NBAS: variants seen among roughly 807,000 people sequenced by gnomAD.
NBAS encodes NBAS subunit of NRZ tethering complex, also known as NAG/BC035112 fusion.
Under a neutral mutation model 302.5 loss-of-function variants are expected in NBAS, and 219 were observed. The ratio of observed to expected loss-of-function variants is 0.72; its 90% CI spans 0.65 to 0.81. The LOEUF (loss-of-function observed/expected upper bound fraction) is 0.81, where lower values mean the gene tolerates loss of function less well. Among genes scored for constraint, NBAS ranks in the 30% least tolerant of loss-of-function variants. The probability of loss-of-function intolerance (pLI) is 0.00; values close to 1 mark genes in which losing one functional copy is unlikely to be tolerated. For missense variants in NBAS, 2,932 were observed against 2,841.6 expected, an observed-to-expected ratio of 1.03 and a Z score of -0.72; for synonymous variants, 1,118 against 1,021.6, an observed-to-expected ratio of 1.09 and a Z score of -1.80.
Position 15,218,758 on chromosome 2 carries a change from C to T in NBAS, c.6432+15G>A. 6.2e-7 allele frequency: 1 copy of T among 1,614,166 alleles called. No homozygotes were observed. Among genetic ancestry groups the T allele is most frequent in the Non-Finnish European group, 8.5e-7 (1 of 1,179,984 alleles). ...ATTGTTAGTAAGAAAAATAATCATT[C>T]AGACACTCCCTTACCTGTCTCTGGG... On this transcript the variant is annotated intron_variant, in intron 48 of 51. Transcript: ENST00000281513.
the NBAS span, among the ~76,000 whole-genome samples, chr2:14,935,146 C>T: frequency 6.6e-6 from 1 of 152,040 alleles, no homozygotes; most frequent in African/African-American, 2.4e-5. Flanking sequence ...TTGTTTTCCC[C>T]TCTAGAATTC....
chr2:15,396,138 ATACATAAGAAAACCCTAG>A (rs1675853552), intron 27 of NBAS, among the ~76,000 whole-genome samples: 1 of 152,200 alleles, frequency 6.6e-6, no homozygotes, highest in African/African-American at 2.4e-5. Flanking sequence ...GTTAGATATT[ATACATAAGAAAACCCTAG>A]GCCCAAAGAT....
the NBAS span, among the ~76,000 whole-genome samples, chr2:14,858,818 A>C: frequency 6.6e-6 from 1 of 152,076 alleles, no homozygotes; most frequent in Non-Finnish European, 1.5e-5. Context: ...AACTAAAAGA[A>C]TATAATTAGA....
At chr2:15,350,313 T>C (rs1427780683) in intron 35 of NBAS, among the ~76,000 whole-genome samples, 1 of 151,904 alleles carries the variant, frequency 6.6e-6, no homozygotes, top group Non-Finnish European at 1.5e-5. Context: ...CTTACCACAA[T>C]AGGTGTCTCC....
At chr2:15,099,249 T>C in the NBAS span, among the ~76,000 whole-genome samples, 4 of 152,034 alleles carry the variant, frequency 2.6e-5, no homozygotes, top group African/African-American at 9.7e-5. Flanking sequence ...TGAGCCTAGA[T>C]TGCTCCACTG....
the NBAS span, among the ~76,000 whole-genome samples, chr2:14,808,480 A>G: frequency 6.6e-6 from 1 of 152,198 alleles, no homozygotes; most frequent in African/African-American, 2.4e-5. Context: ...ATGATAGTAA[A>G]TAAGTCTCAT....
At chr2:14,904,024 G>C in the NBAS span, among the ~76,000 whole-genome samples, 29 of 152,300 alleles carry the variant, frequency 1.9e-4, no homozygotes, top group African/African-American at 6.5e-4. Flanking sequence ...GCTCCCTTCT[G>C]GACACTCAGA....
intron 42 of NBAS, among the ~76,000 whole-genome samples, chr2:15,277,837 G>C (rs1669654564): frequency 6.6e-6 from 1 of 152,122 alleles, no homozygotes. Context: ...GGAAAGGAGG[G>C]GGTTAATTTT....
the NBAS span, among the ~76,000 whole-genome samples, chr2:15,090,507 A>T: frequency 6.6e-6 from 1 of 152,360 alleles, no homozygotes; most frequent in East Asian, 1.9e-4. Context: ...AATGGAGAGG[A>T]CATCCCTTTA....
At chr2:15,010,553 T>G in the NBAS span, among the ~76,000 whole-genome samples, 3 of 152,256 alleles carry the variant, frequency 2.0e-5, no homozygotes, top group East Asian at 5.8e-4. Flanking sequence ...TTCAAGTAGT[T>G]AGTCACATTG....
At chr2:15,144,465 T>C in the NBAS span, among the ~76,000 whole-genome samples, 2 of 152,342 alleles carry the variant, frequency 1.3e-5, no homozygotes, top group African/African-American at 4.8e-5. Context: ...TCAGATACAA[T>C]TGCATTCATA....
At chr2:14,846,730 G>T in the NBAS span, among the ~76,000 whole-genome samples, 1 of 151,996 alleles carries the variant, frequency 6.6e-6, no homozygotes, top group South Asian at 2.1e-4. Context: ...TATGAAAAGA[G>T]AATTAAGTTG....
chr2:15,160,589 G>C, the NBAS span, among the ~76,000 whole-genome samples: 1 of 128,664 alleles, frequency 7.8e-6, no homozygotes. Context: ...TGTGGGCGGG[G>C]GGAGGGGGGG....
the NBAS span, among the ~76,000 whole-genome samples, chr2:14,879,730 AGTATTTAT>A: frequency 6.6e-6 from 1 of 152,212 alleles, no homozygotes; most frequent in Non-Finnish European, 1.5e-5. Context: ...TACAAACTTT[AGTATTTAT>A]GTAAGCAGTA....
the NBAS span, among the ~76,000 whole-genome samples, chr2:15,018,434 T>C: frequency 1.3e-5 from 2 of 151,944 alleles, no homozygotes; most frequent in East Asian, 1.9e-4. Context: ...AATGGTTAAA[T>C]AAAATAATAT....
chr2:15,356,689 C>CA (rs1436820271), intron 32 of NBAS, among the ~76,000 whole-genome samples: 1 of 151,956 alleles, frequency 6.6e-6, no homozygotes, highest in Non-Finnish European at 1.5e-5. Context: ...TGGAACCCTA[C>CA]AAAAAAGTCT....
chr2:14,783,469 C>T, the NBAS span, among the ~76,000 whole-genome samples: 1 of 115,740 alleles, frequency 8.6e-6, no homozygotes, highest in Non-Finnish European at 1.8e-5. Flanking sequence ...ATCCCTCCCC[C>T]CTCCCCCCAC....
At position 15,232,298 on chromosome 2, in the gene NBAS, C is replaced by T. The variant is rs948486326; in HGVS notation, c.6236+124G>A. 18 of 852,916 alleles carry T rather than the reference C, an allele frequency of 2.1e-5. No individual in the cohort carries two copies. In the Middle Eastern group the frequency reaches 7.0e-4, roughly 33 times the overall value. The allele number at this position is 852,916 out of a possible 1,614,324, so 52.8% of individuals were successfully genotyped here. Reference sequence around the variant, plus strand: ...AATACCATGTCTCCAAGTGCAGAGCCGCTCCTTTCCCACCTAAAAATGTGG... The same window carrying T: ...AATACCATGTCTCCAAGTGCAGAGCTGCTCCTTTCCCACCTAAAAATGTGG... On this transcript the variant is annotated intron_variant, in intron 47 of 51. Coordinates refer to ENST00000281513, the MANE Select transcript of NBAS (RefSeq NM_015909.4).
Position 15,353,558 on chromosome 2 carries a change from T to G in NBAS, c.4084A>C (p.Thr1362Pro). 6.2e-7 allele frequency: 1 copy of G among 1,614,044 alleles called. No homozygotes were observed. Among genetic ancestry groups the G allele is most frequent in the Non-Finnish European group, 8.5e-7 (1 of 1,179,936 alleles). The change falls in exon 34 of 52, where the codon ACA becomes CCA. Residue 1362 changes from threonine to proline, a missense_variant. Coordinates refer to ENST00000281513, the MANE Select transcript of NBAS (RefSeq NM_015909.4). ...TCCTTTATCGAAGGACTTACTTCTG[T>G]CTGCAGAGAGCTGCTAGCTGCCAAA... Reference protein sequence around the residue: ...LLLAASSSLQTEILYQRVNFQ... With the variant: ...LLLAASSSLQPEILYQRVNFQ...
Sources: allele counts gnomAD v4.1 joint callset (sites outside exome capture counted in the v4.1 genomes callset), GRCh38; gene constraint gnomAD v4.1.1; transcripts MANE v1.5; gene names NCBI Gene and HGNC (gene_info 2026-07-23, HGNC 2026-07-21).